Variants in CCDC60 observed in about 807,000 individuals in gnomAD.
CCDC60 encodes the protein coiled-coil domain-containing protein 60.
In CCDC60, 54 loss-of-function variants were observed where a neutral mutation model predicts 63.5. The observed-to-expected ratio is 0.85, with a 90% CI of 0.68 to 1.07. CCDC60 has a LOEUF of 1.07. Ranked by LOEUF, CCDC60 falls within the 50% of genes least tolerant of loss-of-function variation. The pLI, the probability that CCDC60 is intolerant of heterozygous loss-of-function variation, is 0.00. For synonymous variants in CCDC60, 206 were observed against 238.8 expected, an observed-to-expected ratio of 0.86 and a Z score of 1.27; for missense variants, 651 against 684.3, an observed-to-expected ratio of 0.95 and a Z score of 0.54.
chr12:119,421,358 C>A (rs1360076896), intron 1 of CCDC60, among the ~76,000 whole-genome samples: 3 of 152,110 alleles, frequency 2.0e-5, no homozygotes, highest in East Asian at 3.9e-4. Context: ...TAGCTAGCAA[C>A]CGCTACCCCT....
intron 12 of CCDC60, among the ~76,000 whole-genome samples, chr12:119,530,287 T>A (rs1952804045): frequency 6.7e-6 from 1 of 150,320 alleles, no homozygotes; most frequent in Non-Finnish European, 1.5e-5. Flanking sequence ...TTTTAAGAGA[T>A]CTACCAGCCT....
chr12:119,501,962 G>A (rs549102457), intron 6 of CCDC60, among the ~76,000 whole-genome samples: 56 of 152,172 alleles, frequency 3.7e-4, no homozygotes, highest in Non-Finnish European at 6.8e-4. Flanking sequence ...GCCTCAGTTT[G>A]TCTACCTATA....
chr12:119,360,286 A>AG (rs1225932557), intron 1 of CCDC60, among the ~76,000 whole-genome samples: 2 of 124,332 alleles, frequency 1.6e-5, no homozygotes, highest in Non-Finnish European at 3.4e-5. Context: ...CTGGCCGGGC[A>AG]GGGGGCTGAC....
At chr12:119,384,938 G>C (rs79571421) in intron 1 of CCDC60, among the ~76,000 whole-genome samples, 3 of 118,360 alleles carry the variant, frequency 2.5e-5, no homozygotes, top group South Asian at 4.8e-4. Context: ...AACATTGAGT[G>C]GGGGGGCTGA....
chr12:119,508,811 T>C (rs1952129063), intron 7 of CCDC60, among the ~76,000 whole-genome samples: 1 of 152,188 alleles, frequency 6.6e-6, no homozygotes, highest in Non-Finnish European at 1.5e-5. Flanking sequence ...TTCTTGTGGT[T>C]ATTGGTGTTA....
chr12:119,403,902 T>C (rs1368822619), intron 1 of CCDC60, among the ~76,000 whole-genome samples: 2 of 152,228 alleles, frequency 1.3e-5, no homozygotes, highest in South Asian at 2.1e-4. Flanking sequence ...TTGATGTATG[T>C]ATACATTGTG....
In CCDC60 at chr12:119,456,045, A is replaced by AAG. The variant is rs1214550050; in HGVS notation, c.171-15947_171-15946dup. 2.7e-5 allele frequency among the ~76,000 whole-genome samples: 4 copies of AAG among 147,008 alleles called. No individual in the cohort carries two copies. The Admixed American group carries it at 2.7e-4, about 10-fold the overall frequency. ...AAAGAAAGAAAGAAAGAAAGAAAGA[A>AAG]AGAAAGAAAGAAAGAAAGCAAGCAA... is the stretch of plus-strand genomic sequence containing the variant. On this transcript the variant is annotated intron_variant, in intron 2 of 13. Coordinates refer to ENST00000327554, the MANE Select transcript of CCDC60 (RefSeq NM_178499.5). The surrounding 1 kb of genome is among the most constrained non-coding windows in gnomAD (Gnocchi z 4.6).
intron 1 of CCDC60, among the ~76,000 whole-genome samples, chr12:119,409,754 T>G (rs550676210): frequency 1.6e-4 from 24 of 152,106 alleles, no homozygotes; most frequent in South Asian, 4.2e-4. Context: ...GTGTCAGTCT[T>G]TGGCCTTCTA....
chr12:119,494,681 A>C (rs935097731), intron 5 of CCDC60, among the ~76,000 whole-genome samples: 2 of 151,642 alleles, frequency 1.3e-5, no homozygotes, highest in African/African-American at 4.8e-5. Flanking sequence ...TTGAGGTTTC[A>C]AATATGACAC....
At chr12:119,416,684 A>G (rs1956705020) in intron 1 of CCDC60, among the ~76,000 whole-genome samples, 1 of 152,242 alleles carries the variant, frequency 6.6e-6, no homozygotes, top group East Asian at 1.9e-4. Context: ...AGCCTGAAGC[A>G]GGACTGAAGA....
At chr12:119,373,944 G>A (rs1335492679) in intron 1 of CCDC60, among the ~76,000 whole-genome samples, 12 of 151,924 alleles carry the variant, frequency 7.9e-5, no homozygotes, top group Admixed American at 7.9e-4. Flanking sequence ...CTCTCTCTTT[G>A]AGGCAAGAAA....
Position 119,505,176 on chromosome 12 carries a change from C to G in CCDC60, c.756C>G (p.Ser252Arg). The G allele has an allele frequency of 6.2e-7, 1 of 1,614,106 alleles. No individual in the cohort carries two copies. Among genetic ancestry groups the G allele is most frequent in the Non-Finnish European group, 8.5e-7 (1 of 1,179,998 alleles). The change falls in exon 7 of 14, where the codon AGC (serine) becomes AGG (arginine). Residue 252 changes from serine to arginine, a missense_variant. Coordinates refer to ENST00000327554, the MANE Select transcript of CCDC60 (RefSeq NM_178499.5). ...CCAGTGGGGGGTCCTCTCCCCAGAG[C>G]AGCATGATCTCTGTGAACCCTGGCT... ...SRASGGSSPQ[S>R]SMISVNPGSD...
intron 3 of CCDC60, 73 bp from the exon 4 acceptor site, chr12:119,479,021 C>T (rs1307581282): frequency 1.4e-5 from 14 of 1,013,404 alleles, no homozygotes; most frequent in South Asian, 8.9e-5. Context: ...CCGAATAGAC[C>T]GTGGCAAGAG....
chr12:119,379,168 C>T (rs1165300959), intron 1 of CCDC60, among the ~76,000 whole-genome samples: 1 of 152,230 alleles, frequency 6.6e-6, no homozygotes, highest in Non-Finnish European at 1.5e-5. Flanking sequence ...ATAGTTGTTG[C>T]TGCGGAAGGC....
chr12:119,453,797 G>A (rs1262720825), intron 2 of CCDC60, among the ~76,000 whole-genome samples: 4 of 151,976 alleles, frequency 2.6e-5, no homozygotes, highest in African/African-American at 9.7e-5. Flanking sequence ...AAGAGGAGAG[G>A]GAAGGGAAGA....
rs2136523752 is a variant in CCDC60 at position 119,528,673 on chromosome 12, CAAAAGGACATAGCA to C, written c.1293_1306del (p.Lys431AsnfsTer22). 1 of 1,613,910 alleles carries C rather than the reference CAAAAGGACATAGCA, an allele frequency of 6.2e-7. No individual in the cohort carries two copies. Among genetic ancestry groups the C allele is most frequent in the East Asian group, 2.2e-5 (1 of 44,848 alleles). On this transcript the variant is annotated frameshift_variant, in exon 12 of 14. Coordinates refer to ENST00000327554, the MANE Select transcript of CCDC60 (RefSeq NM_178499.5). LOFTEE classifies it high-confidence loss of function. The stretch of plus-strand genomic sequence containing the variant: ...TGCTTTTGTCCTTGTCTCAAATTTT[CAAAAGGACATAGCA>C]AAAATGAGACATCACATATCTGTAG...
chr12:119,526,000 C>A (rs1020014885), intron 11 of CCDC60, among the ~76,000 whole-genome samples: 4 of 152,154 alleles, frequency 2.6e-5, no homozygotes, highest in Non-Finnish European at 2.9e-5. Context: ...AATCACATCA[C>A]CTGACCTCAA....
intron 2 of CCDC60, among the ~76,000 whole-genome samples, chr12:119,430,346 C>T (rs561385484): frequency 2.0e-5 from 3 of 151,980 alleles, no homozygotes; most frequent in Admixed American, 6.6e-5. Context: ...AAAGAGGAAG[C>T]GACATCAGGC....
intron 1 of CCDC60, among the ~76,000 whole-genome samples, chr12:119,393,205 C>T (rs1421295815): frequency 6.6e-6 from 1 of 152,104 alleles, no homozygotes; most frequent in African/African-American, 2.4e-5. Flanking sequence ...ACTCACCATA[C>T]ATTTTACGGC....
Sources: allele counts gnomAD v4.1 joint callset (sites outside exome capture counted in the v4.1 genomes callset), GRCh38; gene constraint gnomAD v4.1.1; non-coding constraint Gnocchi (gnomAD v3.1); transcripts MANE v1.5; gene names NCBI Gene and HGNC (gene_info 2026-07-23, HGNC 2026-07-21).